TBC1D22A: variants seen among roughly 807,000 people sequenced by gnomAD.
TBC1D22A encodes the protein TBC1 domain family member 22A, also known as putative GTPase activator.
In TBC1D22A, 38 loss-of-function variants were observed where a neutral mutation model predicts 60.2. The observed-to-expected ratio is 0.63, with a 90% CI of 0.49 to 0.83. The LOEUF is 0.83. Ranked by LOEUF, TBC1D22A falls within the 40% of genes least tolerant of loss-of-function variation. TBC1D22A has a pLI of 0.00. For missense variants in TBC1D22A, 628 were observed against 701.0 expected (o/e 0.90, Z 1.18); for synonymous variants, 302 against 281.7 (o/e 1.07, Z -0.72).
chr22:46,983,096 G>C (rs1306388967), intron 9 of TBC1D22A, among the ~76,000 whole-genome samples: 1 of 152,238 alleles, frequency 6.6e-6, no homozygotes, highest in Non-Finnish European at 1.5e-5. Flanking sequence ...CCAGTTGGAT[G>C]GGTTCATCTT....
chr22:46,954,321 A>T (rs2073074884), intron 8 of TBC1D22A, among the ~76,000 whole-genome samples: 1 of 152,258 alleles, frequency 6.6e-6, no homozygotes, highest in Non-Finnish European at 1.5e-5. Context: ...CAGGATTAAG[A>T]AACGTGATGC....
intron 12 of TBC1D22A, among the ~76,000 whole-genome samples, chr22:47,122,683 A>G (rs2066311144): frequency 6.6e-6 from 1 of 152,236 alleles, no homozygotes; most frequent in Admixed American, 6.5e-5. Context: ...GGCATCTGTG[A>G]TTTACAGAGT....
intron 8 of TBC1D22A, among the ~76,000 whole-genome samples, chr22:46,940,719 CA>C (rs1455370005): frequency 1.5e-5 from 2 of 130,300 alleles, no homozygotes; most frequent in Non-Finnish European, 3.3e-5. Flanking sequence ...TATATACACA[CA>C]CACACAGTCC....
chr22:46,847,321 A>G (rs1030570239), intron 4 of TBC1D22A, among the ~76,000 whole-genome samples: 1 of 152,212 alleles, frequency 6.6e-6, no homozygotes, highest in Admixed American at 6.5e-5. Context: ...AGGCCAGAAT[A>G]CACCTTTTCG....
intron 8 of TBC1D22A, among the ~76,000 whole-genome samples, chr22:46,972,921 C>T (rs1017308914): frequency 4.6e-5 from 7 of 152,224 alleles, no homozygotes; most frequent in African/African-American, 9.6e-5. Flanking sequence ...CCGCAGGTCC[C>T]GCCATGTTGG....
At chr22:46,902,691 T>G (rs1280516037) in intron 7 of TBC1D22A, among the ~76,000 whole-genome samples, 4 of 152,244 alleles carry the variant, frequency 2.6e-5, no homozygotes. Flanking sequence ...GTGGGCACGT[T>G]GTTTTCACCT....
At chr22:46,831,891 T>C (rs2086324263) in intron 4 of TBC1D22A, among the ~76,000 whole-genome samples, 1 of 152,212 alleles carries the variant, frequency 6.6e-6, no homozygotes, top group Non-Finnish European at 1.5e-5. Flanking sequence ...TTGGAATGTT[T>C]CAAATATTAA....
chr22:47,153,214 A>C (rs1029105498), intron 12 of TBC1D22A, among the ~76,000 whole-genome samples: 2 of 152,182 alleles, frequency 1.3e-5, no homozygotes, highest in African/African-American at 4.8e-5. Context: ...AGCTTCCTCT[A>C]TAAGCTTCTC....
In TBC1D22A at chr22:47,038,722, G is replaced by A. The variant is rs60047572; in HGVS notation, c.1329+1524G>A. The stretch of plus-strand genomic sequence containing the variant: ...TGTATTCTGACTTTGCTTTTCCTTT[G>A]CGCCGCTTGTCTGGTCTAATGATCT... On this transcript the variant is annotated intron_variant, in intron 11 of 12. Coordinates refer to ENST00000337137, the MANE Select transcript of TBC1D22A (RefSeq NM_014346.5). Among the ~76,000 whole-genome samples, 875 of 152,252 alleles carry A rather than the reference G, an allele frequency of 5.7e-3. 6 individuals are homozygous for A. The highest frequency in any genetic ancestry group is 0.02 in the African/African-American group (822 of 41,550).
intron 11 of TBC1D22A, among the ~76,000 whole-genome samples, chr22:47,055,580 G>T (rs898089312): frequency 6.6e-6 from 1 of 152,176 alleles, no homozygotes; most frequent in Non-Finnish European, 1.5e-5. Flanking sequence ...GGGTCATGGA[G>T]GGGTAAGGTG....
At chr22:46,991,150 C>T (rs1458511638) in intron 9 of TBC1D22A, among the ~76,000 whole-genome samples, 1 of 152,184 alleles carries the variant, frequency 6.6e-6, no homozygotes, top group East Asian at 1.9e-4. Flanking sequence ...TTCCTCTCTC[C>T]ATTTCACAGA....
intron 4 of TBC1D22A, among the ~76,000 whole-genome samples, chr22:46,825,965 C>G (rs1050624475): frequency 6.6e-6 from 1 of 151,130 alleles, no homozygotes; most frequent in Non-Finnish European, 1.5e-5. Context: ...TTACTGCAAG[C>G]TCCATCTCCC....
At chr22:46,865,994 G>A (rs2067034270) in intron 4 of TBC1D22A, among the ~76,000 whole-genome samples, 2 of 152,200 alleles carry the variant, frequency 1.3e-5, no homozygotes, top group South Asian at 4.1e-4. Context: ...GGGACCTGAA[G>A]AAACAGAAGG....
At chr22:46,945,248 G>A (rs11912181) in intron 8 of TBC1D22A, among the ~76,000 whole-genome samples, 4,238 of 152,192 alleles carry the variant, frequency 0.028, 183 homozygotes, top group African/African-American at 0.091. Flanking sequence ...ATTTCGGGAG[G>A]GATACATGGC....
chr22:47,047,880 C>G (rs972423287), intron 11 of TBC1D22A, among the ~76,000 whole-genome samples: 4 of 152,232 alleles, frequency 2.6e-5, no homozygotes, highest in African/African-American at 9.6e-5. Context: ...GCTGCAGACT[C>G]TGCTCCCATC....
chr22:47,166,007 T>C (rs1349580705), intron 12 of TBC1D22A, among the ~76,000 whole-genome samples: 4 of 152,242 alleles, frequency 2.6e-5, no homozygotes, highest in Non-Finnish European at 5.9e-5. Flanking sequence ...AGTAGGCAAA[T>C]GGGCCTTTTA....
intron 11 of TBC1D22A, among the ~76,000 whole-genome samples, chr22:47,090,857 G>T (rs1230794146): frequency 6.9e-6 from 1 of 144,596 alleles, no homozygotes; most frequent in Non-Finnish European, 1.5e-5. Context: ...GTCTTTGGGG[G>T]GAGTGGCCTC....
chr22:47,094,046 A>G (rs1306889094), intron 11 of TBC1D22A, among the ~76,000 whole-genome samples: 2 of 152,192 alleles, frequency 1.3e-5, no homozygotes, highest in East Asian at 3.9e-4. Context: ...GGGGTAAGGA[A>G]GCAGTCAAGA....
At chr22:46,773,824 TG>T in intron 1 of TBC1D22A, 1 of 569,130 alleles carries the variant, frequency 1.8e-6, no homozygotes, top group Non-Finnish European at 2.2e-6. Flanking sequence ...CAGCTGGGGG[TG>T]GTACCGTGTG....
Sources: allele counts gnomAD v4.1 joint callset (sites outside exome capture counted in the v4.1 genomes callset), GRCh38; gene constraint gnomAD v4.1.1; transcripts MANE v1.5; gene names NCBI Gene and HGNC (gene_info 2026-07-23, HGNC 2026-07-21).